Variants in COL8A1 observed in about 807,000 individuals in gnomAD.
COL8A1 encodes collagen alpha-1(VIII) chain.
Under a neutral mutation model 42.7 loss-of-function variants are expected in COL8A1, and 21 were observed. The ratio of observed to expected loss-of-function variants is 0.49; its 90% CI spans 0.35 to 0.71. The LOEUF (loss-of-function observed/expected upper bound fraction) is 0.71. Among genes scored for constraint, COL8A1 ranks in the 30% least tolerant of loss-of-function variants. COL8A1 has a pLI of 0.01. For synonymous variants in COL8A1, 367 were observed against 369.1 expected (o/e 0.99, Z 0.06); for missense variants, 788 against 962.4 (o/e 0.82, Z 2.40).
chr3:99,748,876 C>T (rs1941085671), intron 2 of COL8A1, among the ~76,000 whole-genome samples: 1 of 152,142 alleles, frequency 6.6e-6, no homozygotes, highest in African/African-American at 2.4e-5. Context: ...TGAGAGACTT[C>T]GAAGTAAAAG....
chr3:99,665,228 C>G (rs917421591), intron 1 of COL8A1, among the ~76,000 whole-genome samples: 4 of 152,252 alleles, frequency 2.6e-5, no homozygotes, highest in Non-Finnish European at 4.4e-5. Context: ...CTACTCCCAG[C>G]CTCTCACTTG....
intron 2 of COL8A1, among the ~76,000 whole-genome samples, chr3:99,763,222 A>C (rs1359819215): frequency 6.6e-6 from 1 of 152,236 alleles, no homozygotes; most frequent in Admixed American, 6.5e-5. Context: ...ATAACAATGA[A>C]TTATTATCTA....
intron 2 of COL8A1, among the ~76,000 whole-genome samples, chr3:99,789,605 A>C (rs1708393318): frequency 6.6e-6 from 1 of 152,206 alleles, no homozygotes; most frequent in South Asian, 2.1e-4. Flanking sequence ...TCTGGTTTTA[A>C]GCCTAGGGCG....
intron 1 of COL8A1, among the ~76,000 whole-genome samples, chr3:99,728,767 G>A (rs1171634876): frequency 1.3e-5 from 2 of 151,854 alleles, no homozygotes; most frequent in Admixed American, 6.6e-5. Context: ...TTGAATACAA[G>A]TATCTCATAA....
At chr3:99,759,889 C>T (rs551988631) in intron 2 of COL8A1, among the ~76,000 whole-genome samples, 19 of 152,244 alleles carry the variant, frequency 1.2e-4, no homozygotes, top group Admixed American at 1.2e-3. Flanking sequence ...TTTCTCCTAC[C>T]GTGTGATCAT....
intron 1 of COL8A1, among the ~76,000 whole-genome samples, chr3:99,665,036 C>T (rs1938320595): frequency 6.6e-6 from 1 of 152,198 alleles, no homozygotes; most frequent in Non-Finnish European, 1.5e-5. Flanking sequence ...CCACTTGACT[C>T]CCAAGAAACT....
intron 1 of COL8A1, among the ~76,000 whole-genome samples, chr3:99,655,014 T>C (rs375508493): frequency 9.9e-5 from 15 of 152,134 alleles, no homozygotes; most frequent in Non-Finnish European, 1.8e-4. Flanking sequence ...CTGTGCTAGA[T>C]GCCATGAAGG....
At chr3:99,724,508 A>G (rs1325579255) in intron 1 of COL8A1, among the ~76,000 whole-genome samples, 1 of 152,062 alleles carries the variant, frequency 6.6e-6, no homozygotes, top group Non-Finnish European at 1.5e-5. Context: ...TCAAGTTCAC[A>G]GTAACTTGTT....
At chr3:99,731,304 G>A (rs535029958) in intron 1 of COL8A1, among the ~76,000 whole-genome samples, 5 of 152,216 alleles carry the variant, frequency 3.3e-5, no homozygotes, top group Non-Finnish European at 1.5e-5. Context: ...AGATTGAAAT[G>A]GTGAAGCGTC....
In COL8A1 at chr3:99,798,605, T is replaced by C. The variant is rs1350938913; in HGVS notation, c.*2469T>C. 3 of 84,122 alleles carry C rather than the reference T, an allele frequency of 3.6e-5. No individual in the cohort carries two copies. The highest frequency in any genetic ancestry group is 2.1e-4 in the Admixed American group (2 of 9,312). The allele number at this position is 84,122 out of a possible 1,614,324, so 5.2% of individuals were successfully genotyped here. ...TTATTGGTTGTCACTCAATTGCCTA[T>C]ATATATATATATATGTGTGTGTGTG... On this transcript the variant is annotated 3_prime_UTR_variant, in exon 4 of 4. Transcript: ENST00000652472.
chr3:99,769,827 G>A (rs550002909), intron 2 of COL8A1, among the ~76,000 whole-genome samples: 4 of 152,262 alleles, frequency 2.6e-5, no homozygotes, highest in African/African-American at 9.6e-5. Flanking sequence ...GCTGAGGCAG[G>A]AGAATTGCTT....
chr3:99,735,884 G>T (rs1261363477), intron 1 of COL8A1, among the ~76,000 whole-genome samples: 1 of 152,084 alleles, frequency 6.6e-6, no homozygotes, highest in East Asian at 1.9e-4. Flanking sequence ...TCTTGGGAGG[G>T]TGTATGTGTC....
intron 1 of COL8A1, among the ~76,000 whole-genome samples, chr3:99,648,855 C>T (rs1161145636): frequency 6.6e-6 from 1 of 152,126 alleles, no homozygotes; most frequent in African/African-American, 2.4e-5. Flanking sequence ...TAAATGTTTC[C>T]CCCAAGCCAT....
rs1159571508 is a variant in COL8A1 at position 99,797,154 on chromosome 3, C to A, written c.*1018C>A. On this transcript the variant is annotated 3_prime_UTR_variant, in exon 4 of 4. Transcript: ENST00000652472. ...AATTCTCCTCCTTTGACTACACACA[C>A]AACCACAGTGTGGTTCTAATCATGG... 2 of 152,226 alleles carry A rather than the reference C, an allele frequency of 1.3e-5. No homozygotes were observed. The highest frequency in any genetic ancestry group is 2.9e-5 in the Non-Finnish European group (2 of 68,034). The allele number at this position is 152,226 out of a possible 1,614,324, so 9.4% of individuals were successfully genotyped here.
intron 1 of COL8A1, among the ~76,000 whole-genome samples, chr3:99,695,990 C>T (rs577715936): frequency 1.2e-4 from 18 of 152,258 alleles, no homozygotes; most frequent in African/African-American, 4.3e-4. Context: ...AAAACTTAGC[C>T]AGGCATGGTG....
chr3:99,699,181 A>T (rs780434132), intron 1 of COL8A1, among the ~76,000 whole-genome samples: 1 of 152,184 alleles, frequency 6.6e-6, no homozygotes, highest in East Asian at 1.9e-4. Context: ...CCACTTCCCT[A>T]CTTTGCTACT....
At chr3:99,772,505 A>G (rs1295741713) in intron 2 of COL8A1, among the ~76,000 whole-genome samples, 1 of 152,202 alleles carries the variant, frequency 6.6e-6, no homozygotes, top group Non-Finnish European at 1.5e-5. Context: ...TAAATGCAAC[A>G]TTGCGGAGCA....
At chr3:99,653,673 C>T (rs1262192942) in intron 1 of COL8A1, among the ~76,000 whole-genome samples, 2 of 150,936 alleles carry the variant, frequency 1.3e-5, no homozygotes, top group Admixed American at 6.6e-5. Context: ...TACCTCATCC[C>T]GTGAGTTTCT....
rs375350800 is a variant in COL8A1, at chr3:99,795,969, G to A, written c.2068G>A (p.Asp690Asn). ...KNNEPVMYTY[D>N]EYKKGFLDQA... ...CAACGAGCCCGTGATGTACACGTAC[G>A]ACGAGTACAAAAAGGGCTTCCTGGA... Residue 690 changes from aspartate (D) to asparagine (N), a missense_variant, in exon 4 of 4, where the codon GAC becomes AAC. Around this residue, in one of 4 missense-constraint regions of COL8A1, gnomAD observed 212 missense variants for 210.9 expected, o/e 1.00. Transcript: ENST00000652472. 3.1e-6 allele frequency: 5 copies of A among 1,613,956 alleles called. No homozygotes were observed. Among genetic ancestry groups the A allele is most frequent in the Non-Finnish European group, 2.5e-6 (3 of 1,179,988 alleles).
Sources: allele counts gnomAD v4.1 joint callset (sites outside exome capture counted in the v4.1 genomes callset), GRCh38; gene constraint gnomAD v4.1.1; regional missense constraint gnomAD v4.1.1; transcripts MANE v1.5; gene names NCBI Gene and HGNC (gene_info 2026-07-23, HGNC 2026-07-21).